EGFLAM: variants seen among roughly 807,000 people sequenced by gnomAD.
EGFLAM encodes the protein EGF like, fibronectin type III and laminin G domains.
In EGFLAM, 79 loss-of-function variants were observed where a neutral mutation model predicts 113.1. The observed-to-expected ratio is 0.70, with a 90% CI of 0.58 to 0.84. The LOEUF is 0.84. EGFLAM is among the 40% of genes least tolerant of loss of function. The probability of loss-of-function intolerance (pLI) is 0.00; values close to 1 mark genes in which losing one functional copy is unlikely to be tolerated. For missense variants in EGFLAM, 1,265 were observed against 1,291.6 expected (o/e 0.98, Z 0.32); for synonymous variants, 504 against 487.6 (o/e 1.03, Z -0.44).
chr5:38,415,899 A>T (rs1022780860), intron 11 of EGFLAM, among the ~76,000 whole-genome samples: 1 of 151,994 alleles, frequency 6.6e-6, no homozygotes, highest in African/African-American at 2.4e-5. Flanking sequence ...AAACTATCAG[A>T]TCTCATGAGA....
intron 18 of EGFLAM, among the ~76,000 whole-genome samples, chr5:38,448,602 AC>A (rs1459429114): frequency 1.3e-5 from 2 of 152,174 alleles, no homozygotes; most frequent in Non-Finnish European, 2.9e-5. Flanking sequence ...CTTTCAGATA[AC>A]CCTGTTACAA....
chr5:38,342,671 A>C (rs558974810), intron 3 of EGFLAM, among the ~76,000 whole-genome samples: 2 of 152,296 alleles, frequency 1.3e-5, no homozygotes, highest in Admixed American at 1.3e-4. Flanking sequence ...TAGTAAAACA[A>C]ATCAGGGCAA....
intron 3 of EGFLAM, among the ~76,000 whole-genome samples, chr5:38,344,437 C>T (rs1456298741): frequency 6.7e-6 from 1 of 149,356 alleles, no homozygotes; most frequent in Admixed American, 6.7e-5. Flanking sequence ...GAGCTGGGAT[C>T]GCATCATTGC....
intron 1 of EGFLAM, among the ~76,000 whole-genome samples, chr5:38,335,725 G>A (rs995144477): frequency 6.6e-6 from 1 of 152,144 alleles, no homozygotes; most frequent in Admixed American, 6.5e-5. Context: ...TGACCTCATG[G>A]TTCCTGCTGA....
intron 17 of EGFLAM, among the ~76,000 whole-genome samples, chr5:38,443,086 T>C (rs1742597493): frequency 6.6e-6 from 1 of 152,100 alleles, no homozygotes; most frequent in South Asian, 2.1e-4. Context: ...GGCAACATGG[T>C]GAAACCCCAT....
chr5:38,436,120 C>G (rs889646720), intron 16 of EGFLAM, among the ~76,000 whole-genome samples: 2 of 152,048 alleles, frequency 1.3e-5, no homozygotes, highest in Non-Finnish European at 2.9e-5. Flanking sequence ...CTGGCCTGCT[C>G]TCTTTTATTC....
intron 5 of EGFLAM, among the ~76,000 whole-genome samples, chr5:38,355,200 C>T (rs1285461800): frequency 6.6e-6 from 1 of 152,190 alleles, no homozygotes; most frequent in East Asian, 1.9e-4. Flanking sequence ...TCACTGGGGT[C>T]TTGATTCCAT....
intron 6 of EGFLAM, among the ~76,000 whole-genome samples, chr5:38,377,408 T>C (rs1183398391): frequency 3.3e-5 from 5 of 152,204 alleles, no homozygotes; most frequent in Admixed American, 6.5e-5. Flanking sequence ...CCTCCCAAAG[T>C]GCTGGGATTA....
In EGFLAM at chr5:38,258,593, C is replaced by A. The variant is rs577165539; in HGVS notation, c.-162C>A. The A allele has an allele frequency of 4.0e-4, 305 of 765,474 alleles. 11 individuals carry two copies. In the South Asian group the frequency reaches 4.9e-3, roughly 12 times the overall value. The allele number at this position is 765,474 out of a possible 1,614,324, so 47.4% of individuals were successfully genotyped here. ...CGCCGACCTCCCGGCTGCAGTCCTA[C>A]CTCTTGGAACTACCCGTGTTTCCGG... is the stretch of plus-strand genomic sequence containing the variant. On this transcript the variant is annotated 5_prime_UTR_variant, in exon 1 of 22. Coordinates refer to ENST00000322350, the MANE Select transcript of EGFLAM (RefSeq NM_152403.4).
intron 19 of EGFLAM, among the ~76,000 whole-genome samples, chr5:38,457,488 C>T (rs1743126733): frequency 1.3e-5 from 2 of 152,168 alleles, no homozygotes; most frequent in African/African-American, 2.4e-5. Flanking sequence ...GTCCCTGCCT[C>T]CAGTTTCCCA....
intron 3 of EGFLAM, among the ~76,000 whole-genome samples, chr5:38,348,336 A>G (rs1739528040): frequency 6.6e-6 from 1 of 152,076 alleles, no homozygotes; most frequent in Admixed American, 6.5e-5. Context: ...AGAAGAGAAG[A>G]TGGTGACAGG....
rs1561077403 is a variant in EGFLAM, at chr5:38,412,593, G to T, written c.1439G>T (p.Gly480Val). The change falls in exon 11 of 22, where the codon GGG becomes GTG. Residue 480 changes from glycine to valine, a missense_variant. Transcript: ENST00000322350. ...GWHTVMLYRDGLNGLLQLNNG... is the reference protein window; with the variant it reads ...GWHTVMLYRDVLNGLLQLNNG... ...CACACGGTTATGCTCTACAGAGATG[G>T]GCTGAACGGGCTGCTGCAGCTGAAC... 5 of 1,614,134 alleles carry T rather than the reference G, an allele frequency of 3.1e-6. No homozygotes were observed. In the Admixed American group the frequency reaches 6.7e-5, roughly 22 times the overall value.
intron 1 of EGFLAM, among the ~76,000 whole-genome samples, chr5:38,269,813 C>T (rs527886827): frequency 2.0e-5 from 3 of 152,294 alleles, no homozygotes; most frequent in East Asian, 3.9e-4. Flanking sequence ...TTTCAAAGCA[C>T]TTCTAAAAAT....
chr5:38,444,606 C>G (rs1211827500), intron 17 of EGFLAM, among the ~76,000 whole-genome samples: 2 of 151,952 alleles, frequency 1.3e-5, no homozygotes, highest in Non-Finnish European at 2.9e-5. Flanking sequence ...AAATTTTTTT[C>G]AATAAAATAA....
intron 1 of EGFLAM, among the ~76,000 whole-genome samples, chr5:38,293,980 A>G (rs994794395): frequency 6.6e-5 from 10 of 152,152 alleles, no homozygotes; most frequent in African/African-American, 2.4e-4. Context: ...CTTTCTTTTT[A>G]AAATTACTCT....
At chr5:38,357,870 T>C (rs981775546) in intron 5 of EGFLAM, among the ~76,000 whole-genome samples, 1 of 151,898 alleles carries the variant, frequency 6.6e-6, no homozygotes, top group South Asian at 2.1e-4. Flanking sequence ...TTTTCTTTTT[T>C]TTTTTTTTTT....
At chr5:38,353,770 C>A (rs949300606) in intron 5 of EGFLAM, among the ~76,000 whole-genome samples, 4 of 152,202 alleles carry the variant, frequency 2.6e-5, no homozygotes. Flanking sequence ...ACTCCATGCG[C>A]CTCTCTGTTT....
At chr5:38,328,882 C>A (rs1411221229) in intron 1 of EGFLAM, among the ~76,000 whole-genome samples, 1 of 151,740 alleles carries the variant, frequency 6.6e-6, no homozygotes, top group Admixed American at 6.6e-5. Flanking sequence ...TGAATTTTTT[C>A]TTTTGTAATT....
intron 18 of EGFLAM, among the ~76,000 whole-genome samples, chr5:38,450,777 C>T (rs1269768988): frequency 6.6e-6 from 1 of 152,190 alleles, no homozygotes; most frequent in African/African-American, 2.4e-5. Context: ...TCCACCCTGG[C>T]TCTGCCTCAA....
Sources: allele counts gnomAD v4.1 joint callset (sites outside exome capture counted in the v4.1 genomes callset), GRCh38; gene constraint gnomAD v4.1.1; transcripts MANE v1.5; gene names NCBI Gene and HGNC (gene_info 2026-07-23, HGNC 2026-07-21).